The following FHAD1 variants were observed in gnomAD, a reference collection of about 807,000 sequenced individuals.
FHAD1 encodes forkhead associated phosphopeptide binding domain 1, also known as forkhead-associated domain-containing protein 1.
A neutral mutation model predicts 191.3 loss-of-function variants in FHAD1; 146 were observed. That is an observed-to-expected ratio of 0.76 (90% confidence interval 0.67 to 0.88). The LOEUF is 0.88. Ranked by LOEUF, FHAD1 falls within the 40% of genes least tolerant of loss-of-function variation. The probability of loss-of-function intolerance (pLI) is 0.00; values close to 1 mark genes in which losing one functional copy is unlikely to be tolerated. For missense variants in FHAD1, 1,635 were observed against 1,785.8 expected, an observed-to-expected ratio of 0.92 and a Z score of 1.52; for synonymous variants, 616 against 672.3, an observed-to-expected ratio of 0.92 and a Z score of 1.29.
chr1:15,246,639 T>C (rs140406070), upstream of FHAD1, among the ~76,000 whole-genome samples: 55 of 152,202 alleles, frequency 3.6e-4, no homozygotes, highest in East Asian at 6.2e-3. Context: ...TTTGCAGAGA[T>C]AGAGAAAGGG....
chr1:15,383,625 C>G lies in FHAD1; in HGVS notation c.4188+1432C>G, dbSNP rs1303497918. On this transcript the variant is annotated intron_variant, in intron 31 of 33. Transcript: ENST00000688493. ...AGCCAGACTCTCCCTTTCCTTCACT[C>G]TTGCCTAAGGTGGAGCAGATCCCAA... 3 of 301,548 alleles carry G rather than the reference C, an allele frequency of 9.9e-6. No individual in the cohort carries two copies. The East Asian group carries it at 2.4e-4, about 24-fold the overall frequency. 18.7% of individuals were successfully genotyped at this position (301,548 alleles called of 1,614,324 possible).
intron 2 of FHAD1, among the ~76,000 whole-genome samples, chr1:15,261,195 C>T (rs1185855754): frequency 2.0e-5 from 3 of 152,074 alleles, no homozygotes; most frequent in African/African-American, 7.2e-5. Context: ...TTCAGCAACC[C>T]TACAAGTTAG....
At chr1:15,302,946 G>A (rs1213694281) in intron 6 of FHAD1, among the ~76,000 whole-genome samples, 2 of 152,316 alleles carry the variant, frequency 1.3e-5, no homozygotes, top group East Asian at 1.9e-4. Flanking sequence ...GGTGAACCTC[G>A]AAGAGTCTTT....
At chr1:15,326,836 G>T in intron 11 of FHAD1, 1 of 519,588 alleles carries the variant, frequency 1.9e-6, no homozygotes, top group Non-Finnish European at 3.5e-6. Context: ...GCATCGTTCG[G>T]GTTAGGCAGG....
chr1:15,314,793 T>C (rs1574262238), intron 8 of FHAD1, among the ~76,000 whole-genome samples: 1 of 81,492 alleles, frequency 1.2e-5, no homozygotes, highest in Non-Finnish European at 2.4e-5. Context: ...GGATGTGTGG[T>C]GTGGGGGTGA....
At chr1:15,362,422 A>G (rs1334230938) in intron 22 of FHAD1, among the ~76,000 whole-genome samples, 1 of 152,104 alleles carries the variant, frequency 6.6e-6, no homozygotes, top group Admixed American at 6.6e-5. Context: ...CTGTAAGTGG[A>G]TTTGATGGCC....
At chr1:15,362,897 A>G (rs1018246879) in intron 23 of FHAD1, among the ~76,000 whole-genome samples, 171 bp downstream of exon 23, 4 of 151,890 alleles carry the variant, frequency 2.6e-5, no homozygotes, top group African/African-American at 9.7e-5. Flanking sequence ...AGCCCAGACC[A>G]CATTGTCAGA....
rs970160420 is a variant in FHAD1 at position 15,336,331 on chromosome 1, G to A, written c.1907-3150G>A. ...ATTATTATAATATTGCTGTTCTCAC[G>A]CTTCTGTGCTGGAAATCCTCCGAAT... On this transcript the variant is annotated intron_variant, in intron 14 of 33. Coordinates refer to ENST00000688493, the MANE Select transcript of FHAD1 (RefSeq NM_001391957.1). 7.2e-5 allele frequency among the ~76,000 whole-genome samples: 11 copies of A among 152,218 alleles called. No individual in the cohort carries two copies. The South Asian group carries it at 8.3e-4, about 11-fold the overall frequency.
intron 2 of FHAD1, among the ~76,000 whole-genome samples, chr1:15,258,366 G>A (rs1320798150): frequency 6.6e-6 from 1 of 152,122 alleles, no homozygotes; most frequent in Non-Finnish European, 1.5e-5. Context: ...TGTCTTTTGT[G>A]ACTGGCTTAT....
intron 4 of FHAD1, among the ~76,000 whole-genome samples, chr1:15,290,833 C>T (rs1558017811): frequency 6.6e-6 from 1 of 152,008 alleles, no homozygotes; most frequent in South Asian, 2.1e-4. Context: ...CTCAGCCTCC[C>T]GAGTAGCTGG....
At position 15,327,659 on chromosome 1, in the gene FHAD1, T is replaced by G. The variant is rs1679301740; in HGVS notation, c.1557+517T>G. ...TGCTTATGAGCCCATAATATCAGGCTCAGTGTTCTGAATCCCTATACAACA... is the reference window on the plus strand; with the variant it reads ...TGCTTATGAGCCCATAATATCAGGCGCAGTGTTCTGAATCCCTATACAACA... On this transcript the variant is annotated intron_variant, in intron 12 of 33. Transcript: ENST00000688493. The surrounding 1 kb of genome is among the most constrained non-coding windows in gnomAD (Gnocchi z 5.1). 6.5e-6 allele frequency: 1 copy of G among 153,800 alleles called. No individual in the cohort carries two copies. The highest frequency in any genetic ancestry group is 2.4e-5 in the African/African-American group (1 of 41,452). 9.5% of individuals were successfully genotyped at this position (153,800 alleles called of 1,614,324 possible). A position where few individuals can be genotyped will look rare whatever the true frequency, so the allele number is the denominator to read the frequency against.
chr1:15,359,965 T>C (rs1026856784), intron 21 of FHAD1, among the ~76,000 whole-genome samples: 4 of 149,892 alleles, frequency 2.7e-5, no homozygotes, highest in African/African-American at 9.9e-5. Flanking sequence ...AAAAAAAAAT[T>C]AGCTGAGTGT....
chr1:15,244,935 G>GCA (rs1645823799), upstream of FHAD1, among the ~76,000 whole-genome samples: 13 of 152,334 alleles, frequency 8.5e-5, no homozygotes, highest in South Asian at 2.5e-3. The surrounding 1 kb of genome is among the most constrained non-coding windows in gnomAD (Gnocchi z 5.1). Flanking sequence ...GAAGCATGGT[G>GCA]CCAGCATCTG....
At chr1:15,308,245 T>C (rs34461054) in intron 6 of FHAD1, among the ~76,000 whole-genome samples, 1,726 of 152,298 alleles carry the variant, frequency 0.011, 16 homozygotes, top group Non-Finnish European at 0.019. Context: ...TGCTTCCCTC[T>C]CTTGAACTTT....
In FHAD1 at chr1:15,324,469, G is replaced by A. The variant is rs1378309176; in HGVS notation, c.1383G>A (p.Gln461=). The A allele has an allele frequency of 6.4e-7, 1 of 1,552,026 alleles. No individual in the cohort carries two copies. Residue 461 remains glutamine, a synonymous_variant, in exon 11 of 34, where the codon CAG becomes CAA. Transcript: ENST00000688493. The part of the protein sequence containing the change: ...REKSKVEEKL[Q]EDSRRKLLQL... The stretch of plus-strand genomic sequence containing the variant: ...CATTTCAGGTTGAAGAGAAGCTTCA[G>A]GAGGATTCCAGAAGGAAATTGCTTC...
At position 15,318,076 on chromosome 1, in the gene FHAD1, C is replaced by A; in HGVS notation, c.1365+148C>A. The A allele has an allele frequency of 1.7e-6, 1 of 590,182 alleles. No homozygotes were observed. The highest frequency in any genetic ancestry group is 2.4e-5 in the South Asian group (1 of 41,988). The allele number at this position is 590,182 out of a possible 1,614,324, so 36.6% of individuals were successfully genotyped here. A position where few individuals can be genotyped will look rare whatever the true frequency, so the allele number is the denominator to read the frequency against. ...CTCACACAGGGACAGGGACCAGGTT[C>A]ACTGCATAAAGTAGTTGTGGCAGGA... On this transcript the variant is annotated intron_variant, in intron 10 of 33. Coordinates refer to ENST00000688493, the MANE Select transcript of FHAD1 (RefSeq NM_001391957.1). The surrounding 1 kb of genome is among the most constrained non-coding windows in gnomAD (Gnocchi z 4.1).
intron 14 of FHAD1, among the ~76,000 whole-genome samples, chr1:15,333,927 G>A (rs951104052): frequency 2.0e-4 from 28 of 140,534 alleles, no homozygotes; most frequent in African/African-American, 7.3e-4. Flanking sequence ...CCATCTCCCA[G>A]GCTCAAGCGA....
Position 15,324,567 on chromosome 1 carries a change from T to C in FHAD1, c.1473+8T>C, listed in dbSNP as rs2101698290. 6.5e-7 allele frequency: 1 copy of C among 1,537,482 alleles called. No homozygotes were observed. On this transcript the variant is annotated splice_region_variant and intron_variant, in intron 11 of 33. Coordinates refer to ENST00000688493, the MANE Select transcript of FHAD1 (RefSeq NM_001391957.1). ...GAGAGGGCAGTAGGTCAGGTAGGCA[T>C]GTTCCAGAGCCCCCCTCATTGGCCC...
intron 3 of FHAD1, among the ~76,000 whole-genome samples, chr1:15,277,685 T>A (rs1041592935): frequency 6.6e-6 from 1 of 152,108 alleles, no homozygotes; most frequent in Non-Finnish European, 1.5e-5. Flanking sequence ...GGATGATATA[T>A]CGTGTGGGTA....
Sources: gnomAD v4.1 joint callset for allele counts (sites outside exome capture counted in the v4.1 genomes callset) on GRCh38, gnomAD v4.1.1 for gene constraint, Gnocchi (gnomAD v3.1) non-coding constraint, MANE v1.5 for transcripts, NCBI Gene and HGNC (gene_info 2026-07-23, HGNC 2026-07-21) for gene names.